Variants in SH3RF3 observed in about 807,000 individuals in gnomAD.
SH3RF3 encodes SH3 domain containing ring finger 3.
SH3RF3 carries 29 observed loss-of-function variants against 66.3 expected under a neutral mutation model. That is an observed-to-expected ratio of 0.44 (90% confidence interval 0.33 to 0.60). The LOEUF is 0.60. SH3RF3 is among the 20% of genes least tolerant of loss of function. The pLI is 0.04. For synonymous variants in SH3RF3, 583 were observed against 532.0 expected, an observed-to-expected ratio of 1.10 and a Z score of -1.32; for missense variants, 1,194 against 1,190.9, an observed-to-expected ratio of 1.00 and a Z score of -0.04.
chr2:109,147,752 C>T (rs1214994084), intron 1 of SH3RF3, among the ~76,000 whole-genome samples: 1 of 152,148 alleles, frequency 6.6e-6, no homozygotes, highest in Non-Finnish European at 1.5e-5. Context: ...TAAATATTTA[C>T]GAAGTTAACA....
At chr2:109,202,313 T>C (rs756745146) in intron 1 of SH3RF3, among the ~76,000 whole-genome samples, 24 of 152,098 alleles carry the variant, frequency 1.6e-4, no homozygotes, top group Non-Finnish European at 3.1e-4. Flanking sequence ...AGGGGAGCGA[T>C]GGATAATGAA....
intron 1 of SH3RF3, among the ~76,000 whole-genome samples, chr2:109,272,495 TCTAA>T (rs1442274842): frequency 2.6e-5 from 4 of 152,336 alleles, no homozygotes; most frequent in African/African-American, 9.6e-5. Flanking sequence ...CCCCTTCGCC[TCTAA>T]CTGTGTGCTG....
intron 8 of SH3RF3, among the ~76,000 whole-genome samples, chr2:109,466,149 G>A (rs1678340405): frequency 1.5e-5 from 2 of 130,512 alleles, no homozygotes; most frequent in South Asian, 2.4e-4. Flanking sequence ...GTGCTATCTC[G>A]GCTCACTGCT....
chr2:109,149,019 C>A (rs17197427), intron 1 of SH3RF3, among the ~76,000 whole-genome samples: 63,204 of 151,994 alleles, frequency 0.42, 15,028 homozygotes, highest in Non-Finnish European at 0.54. Context: ...ACTGCAGATC[C>A]CCCTTTCTCT....
In SH3RF3 at chr2:109,391,421, G is replaced by A. The variant is rs60109390; in HGVS notation, c.946-7169G>A. On this transcript the variant is annotated intron_variant, in intron 3 of 9. Coordinates refer to ENST00000309415, the MANE Select transcript of SH3RF3 (RefSeq NM_001099289.3). ...GTCACCCACAGGCTCGGGGAGGGGT[G>A]CGGGTCACCCATGGGCTCGGGCCTT... Among the ~76,000 whole-genome samples the A allele has an allele frequency of 8.2e-3, 1,245 of 152,312 alleles. 12 individuals are homozygous for A. The highest frequency in any genetic ancestry group is 0.028 in the African/African-American group (1,177 of 41,554).
intron 1 of SH3RF3, among the ~76,000 whole-genome samples, chr2:109,346,475 A>G (rs1480218243): frequency 6.6e-6 from 1 of 152,184 alleles, no homozygotes; most frequent in African/African-American, 2.4e-5. Context: ...TTCTGGTAGG[A>G]AAATCGTTGG....
chr2:109,316,994 A>G (rs2105446193), intron 1 of SH3RF3, among the ~76,000 whole-genome samples: 1 of 151,496 alleles, frequency 6.6e-6, no homozygotes, highest in South Asian at 2.1e-4. Context: ...ATTTCTTTTT[A>G]TCACTGAATA....
chr2:109,500,712 C>G (rs1036916109), intron 9 of SH3RF3, among the ~76,000 whole-genome samples: 1 of 152,124 alleles, frequency 6.6e-6, no homozygotes, highest in Non-Finnish European at 1.5e-5. Context: ...ACTTGGAGAG[C>G]CTGAGGCCAG....
chr2:109,463,994 TC>T lies in SH3RF3; in HGVS notation c.2148+14506del, dbSNP rs749848969. Among the ~76,000 whole-genome samples the T allele has an allele frequency of 1.1e-4, 17 of 152,254 alleles. No homozygotes were observed. The East Asian group carries it at 2.1e-3, about 19-fold the overall frequency. On this transcript the variant is annotated intron_variant, in intron 8 of 9. Transcript: ENST00000309415. ...TCACCAGGAGAGGAAGGATAGACCC[TC>T]GCTCGGGAGGGTCCCCAATTCACAG...
chr2:109,485,736 C>T (rs1678951093), intron 8 of SH3RF3, among the ~76,000 whole-genome samples: 2 of 152,262 alleles, frequency 1.3e-5, no homozygotes, highest in Admixed American at 6.5e-5. Context: ...TGTGTAAGCA[C>T]ACAAACACAC....
At chr2:109,262,048 G>A (rs1381032557) in intron 1 of SH3RF3, among the ~76,000 whole-genome samples, 2 of 152,190 alleles carry the variant, frequency 1.3e-5, no homozygotes, top group Non-Finnish European at 2.9e-5. Flanking sequence ...TGGCCCGGCT[G>A]CTGATGCACC....
chr2:109,477,354 A>G (rs1424405214), intron 8 of SH3RF3, among the ~76,000 whole-genome samples: 3 of 152,148 alleles, frequency 2.0e-5, no homozygotes, highest in Non-Finnish European at 4.4e-5. Flanking sequence ...TGACAGGTAT[A>G]TGGGCCCACC....
chr2:109,207,373 C>A (rs1238657440), intron 1 of SH3RF3, among the ~76,000 whole-genome samples: 5 of 152,060 alleles, frequency 3.3e-5, no homozygotes, highest in African/African-American at 2.4e-5. Context: ...GGGAGGGAAG[C>A]AGGTTGCTAT....
chr2:109,139,473 G>T (rs192942027), intron 1 of SH3RF3, among the ~76,000 whole-genome samples: 113 of 152,318 alleles, frequency 7.4e-4, no homozygotes, highest in Admixed American at 1.2e-3. Flanking sequence ...ATCCTGAGCG[G>T]CATCCCCCTT....
intron 2 of SH3RF3, among the ~76,000 whole-genome samples, chr2:109,357,477 G>A (rs1453161364): frequency 1.3e-5 from 2 of 152,266 alleles, no homozygotes; most frequent in African/African-American, 2.4e-5. Flanking sequence ...CACCGCACCC[G>A]GCCAACAGAA....
chr2:109,164,914 A>G (rs1243554594), intron 1 of SH3RF3, among the ~76,000 whole-genome samples: 1 of 152,202 alleles, frequency 6.6e-6, no homozygotes, highest in Non-Finnish European at 1.5e-5. Context: ...TCATGACACT[A>G]CAACTGGACC....
At chr2:109,290,480 T>G (rs1474949399) in intron 1 of SH3RF3, among the ~76,000 whole-genome samples, 6 of 152,278 alleles carry the variant, frequency 3.9e-5, no homozygotes, top group Non-Finnish European at 8.8e-5. Flanking sequence ...GTTCGTATTC[T>G]ATAGCGCCCA....
rs758084008 is a variant in SH3RF3 at position 109,316,740 on chromosome 2, C to A, written c.574-30934C>A. 5.4e-4 allele frequency among the ~76,000 whole-genome samples: 82 copies of A among 152,262 alleles called. 1 individual carries two copies. Among genetic ancestry groups the A allele is most frequent in the Non-Finnish European group, 1.1e-3 (72 of 68,034 alleles). ...TGGACAAATCTATAATGCGATGTATCCACCATTAGAGTTTCACACTCAGTA... is the reference window on the plus strand; with the variant it reads ...TGGACAAATCTATAATGCGATGTATACACCATTAGAGTTTCACACTCAGTA... On this transcript the variant is annotated intron_variant, in intron 1 of 9. Transcript: ENST00000309415.
chr2:109,267,245 G>T (rs1357562568), intron 1 of SH3RF3, among the ~76,000 whole-genome samples: 2 of 152,070 alleles, frequency 1.3e-5, no homozygotes, highest in African/African-American at 4.8e-5. Flanking sequence ...GCATGTAAAG[G>T]CACACAATGG....
Sources: allele counts gnomAD v4.1 joint callset (sites outside exome capture counted in the v4.1 genomes callset), GRCh38; gene constraint gnomAD v4.1.1; transcripts MANE v1.5; gene names NCBI Gene and HGNC (gene_info 2026-07-23, HGNC 2026-07-21).